Variants in ZNF676 observed in about 807,000 individuals in gnomAD.
ZNF676 encodes the protein zinc finger protein 676.
A neutral mutation model predicts 6.0 loss-of-function variants in ZNF676; 4 were observed. The observed-to-expected ratio is 0.67, with a 90% CI of 0.33 to 1.53. ZNF676 has a LOEUF of 1.53. Ranked by LOEUF, ZNF676 falls within the 40% of genes most tolerant of loss-of-function variation. The pLI, the probability that ZNF676 is intolerant of heterozygous loss-of-function variation, is 0.06. For missense variants in ZNF676, 644 were observed against 679.7 expected, an observed-to-expected ratio of 0.95 and a Z score of 0.58; for synonymous variants, 198 against 223.1, an observed-to-expected ratio of 0.89 and a Z score of 1.00.
the ZNF676 span, among the ~76,000 whole-genome samples, chr19:22,238,617 T>C: frequency 6.6e-6 from 1 of 152,114 alleles, no homozygotes; most frequent in Admixed American, 6.6e-5. Context: ...AAATCTGTAT[T>C]AGTCAGGGTT....
chr19:22,245,473 G>A, the ZNF676 span: 1 of 149,094 alleles, frequency 6.7e-6, no homozygotes, highest in East Asian at 2.0e-4. Context: ...GTCAAATGAA[G>A]CAGTTGATGG....
intron 1 of ZNF676, chr19:22,203,436 A>G (rs373399979): frequency 1.3e-5 from 2 of 152,472 alleles, no homozygotes. Context: ...GAAAAAAGTT[A>G]AAAGTGTCTT....
chr19:22,204,956 T>C (rs963143540), intron 1 of ZNF676, among the ~76,000 whole-genome samples: 1 of 152,186 alleles, frequency 6.6e-6, no homozygotes, highest in African/African-American at 2.4e-5. Context: ...CAGCAAGTTA[T>C]CCACCCTTAT....
the ZNF676 span, among the ~76,000 whole-genome samples, chr19:22,233,265 T>A: frequency 6.6e-6 from 1 of 152,196 alleles, no homozygotes; most frequent in Non-Finnish European, 1.5e-5. Flanking sequence ...CATCGCTGCC[T>A]TCCAAACCGC....
the ZNF676 span, among the ~76,000 whole-genome samples, chr19:22,237,848 A>G: frequency 1.3e-5 from 2 of 152,144 alleles, no homozygotes; most frequent in African/African-American, 2.4e-5. Context: ...TTCTTTTCCA[A>G]TCAGTGTCCT....
At chr19:22,204,302 AGTC>A (rs1407928154) in intron 1 of ZNF676, among the ~76,000 whole-genome samples, 2 of 152,214 alleles carry the variant, frequency 1.3e-5, no homozygotes, top group African/African-American at 4.8e-5. Context: ...TTTATGTACT[AGTC>A]ATAATGTATG....
chr19:22,212,754 T>C (rs2024142676), intron 1 of ZNF676, among the ~76,000 whole-genome samples: 1 of 150,494 alleles, frequency 6.6e-6, no homozygotes, highest in Non-Finnish European at 1.5e-5. Flanking sequence ...CCCAGCACTT[T>C]GGGAGGCCAA....
At chr19:22,244,606 C>T in the ZNF676 span, 1 of 152,144 alleles carries the variant, frequency 6.6e-6, no homozygotes, top group Non-Finnish European at 1.5e-5. Flanking sequence ...GTCACATAAC[C>T]TGGTGGCCGA....
chr19:22,180,996 T>G lies in ZNF676; in HGVS notation c.721A>C (p.Thr241Pro). 1 of 1,571,416 alleles carries G rather than the reference T, an allele frequency of 6.4e-7. No homozygotes were observed. Among genetic ancestry groups the G allele is most frequent in the Non-Finnish European group, 8.7e-7 (1 of 1,151,902 alleles). ...CCAGTATGAATTATCTTATGTTTAG[T>G]AAGGATTGAGGATCGATTAAAAGCT... is the stretch of plus-strand genomic sequence containing the variant. ...GKAFNRSSIL[T>P]KHKIIHTGEK... Residue 241 changes from threonine (T) to proline (P), a missense_variant, in exon 3 of 3, where the codon ACT becomes CCT. Physicochemically the swap from Thr to Pro is conservative, Grantham distance 38 (BLOSUM62 -1). Coordinates refer to ENST00000397121, the MANE Select transcript of ZNF676 (RefSeq NM_001001411.3).
upstream of ZNF676, among the ~76,000 whole-genome samples, chr19:22,220,746 T>G (rs1193262679): frequency 3.3e-5 from 5 of 152,146 alleles, no homozygotes; most frequent in African/African-American, 4.8e-5. Flanking sequence ...CATGAGCCAC[T>G]GAACCCAGCT....
upstream of ZNF676, among the ~76,000 whole-genome samples, chr19:22,201,150 C>A (rs1336832610): frequency 6.6e-6 from 1 of 152,146 alleles, no homozygotes; most frequent in African/African-American, 2.4e-5. Context: ...AGTAGAAGGA[C>A]AAGAATACTC....
chr19:22,237,751 A>T, the ZNF676 span, among the ~76,000 whole-genome samples: 1 of 152,156 alleles, frequency 6.6e-6, no homozygotes, highest in Non-Finnish European at 1.5e-5. Flanking sequence ...TTTTTCTGAC[A>T]AAAAGCTCAT....
upstream of ZNF676, among the ~76,000 whole-genome samples, chr19:22,199,288 T>C (rs1259002141): frequency 6.6e-6 from 1 of 152,156 alleles, no homozygotes; most frequent in Non-Finnish European, 1.5e-5. Flanking sequence ...ATTAGAGAAA[T>C]GAGGCAGAAC....
intron 2 of ZNF676, among the ~76,000 whole-genome samples, chr19:22,182,009 G>A (rs2023762562): frequency 6.6e-6 from 1 of 150,980 alleles, no homozygotes; most frequent in Non-Finnish European, 1.5e-5. Context: ...CCACACACTG[G>A]TTTCTGTCTC....
At chr19:22,182,961 T>C (rs2023781592) in intron 2 of ZNF676, among the ~76,000 whole-genome samples, 1 of 152,122 alleles carries the variant, frequency 6.6e-6, no homozygotes. Flanking sequence ...TTAATGAATA[T>C]ACAACATAAA....
the ZNF676 span, chr19:22,245,042 C>G: frequency 6.6e-6 from 1 of 152,088 alleles, no homozygotes; most frequent in African/African-American, 2.4e-5. Context: ...AAAAGAGAGT[C>G]AGATCTCTTA....
chr19:22,235,028 G>GA, the ZNF676 span, among the ~76,000 whole-genome samples: 8,955 of 62,128 alleles, frequency 0.14, 607 homozygotes, highest in South Asian at 0.2. Context: ...AAGAAAGAAA[G>GA]AAAGAAAAGA....
At chr19:22,195,447 G>A (rs1445324572) in intron 1 of ZNF676, among the ~76,000 whole-genome samples, 3 of 152,122 alleles carry the variant, frequency 2.0e-5, no homozygotes, top group African/African-American at 4.8e-5. Flanking sequence ...CTTACTTATC[G>A]TGTCCGCAGA....
the ZNF676 span, among the ~76,000 whole-genome samples, chr19:22,231,635 G>T: frequency 1.6e-4 from 24 of 151,384 alleles, no homozygotes; most frequent in Non-Finnish European, 2.9e-4. Context: ...ATGGAGTCTT[G>T]CTCTGTTTCC....
Sources: allele counts gnomAD v4.1 joint callset (sites outside exome capture counted in the v4.1 genomes callset), GRCh38; gene constraint gnomAD v4.1.1; transcripts MANE v1.5; gene names NCBI Gene and HGNC (gene_info 2026-07-23, HGNC 2026-07-21).